Variants in CSMD1 observed in about 807,000 individuals in gnomAD.
CSMD1 encodes the protein CUB and Sushi multiple domains 1, also known as CUB and sushi domain-containing protein 1.
Under a neutral mutation model 417.5 loss-of-function variants are expected in CSMD1, and 213 were observed. The ratio of observed to expected loss-of-function variants is 0.51; its 90% CI spans 0.46 to 0.57. The LOEUF (loss-of-function observed/expected upper bound fraction) is 0.57. Among genes scored for constraint, CSMD1 ranks in the 20% least tolerant of loss-of-function variants. CSMD1 has a pLI of 0.00. For missense variants in CSMD1, 6,923 were observed against 4,529.7 expected, an observed-to-expected ratio of 1.53 and a Z score of -15.17; for synonymous variants, 2,862 against 1,736.8, an observed-to-expected ratio of 1.65 and a Z score of -16.11.
intron 54 of CSMD1, among the ~76,000 whole-genome samples, chr8:2,981,268 A>G (rs1805395203): frequency 6.6e-6 from 1 of 152,186 alleles, no homozygotes; most frequent in African/African-American, 2.4e-5. Flanking sequence ...TCCCATCTGT[A>G]TTTGTTTTGT....
intron 2 of CSMD1, among the ~76,000 whole-genome samples, chr8:4,453,849 T>A (rs562393842): frequency 1.8e-5 from 2 of 109,394 alleles, no homozygotes; most frequent in Non-Finnish European, 3.5e-5. Flanking sequence ...TGAGACAGAG[T>A]CTCACTCTGT....
At chr8:3,277,595 A>G (rs752931283) in intron 26 of CSMD1, among the ~76,000 whole-genome samples, 1 of 152,166 alleles carries the variant, frequency 6.6e-6, no homozygotes, top group Non-Finnish European at 1.5e-5. Context: ...GGCAGGATGG[A>G]GTTGACTTTA....
chr8:3,821,428 C>A (rs1315661660), intron 5 of CSMD1, among the ~76,000 whole-genome samples: 1 of 152,170 alleles, frequency 6.6e-6, no homozygotes, highest in Non-Finnish European at 1.5e-5. Flanking sequence ...ATGCATTCTG[C>A]TATGACGCAT....
intron 11 of CSMD1, among the ~76,000 whole-genome samples, chr8:3,486,157 T>C (rs1335238709): frequency 6.6e-6 from 1 of 152,236 alleles, no homozygotes; most frequent in Admixed American, 6.5e-5. Context: ...CATTTTCAAA[T>C]TTGATTCTGA....
chr8:3,804,507 T>C (rs1049112030), intron 5 of CSMD1, among the ~76,000 whole-genome samples: 4 of 152,234 alleles, frequency 2.6e-5, no homozygotes, highest in African/African-American at 9.6e-5. Context: ...TTAATTTTAA[T>C]AGCTATAAAA....
At chr8:3,384,691 T>C (rs1428964988) in intron 18 of CSMD1, among the ~76,000 whole-genome samples, 2 of 118,932 alleles carry the variant, frequency 1.7e-5, no homozygotes, top group African/African-American at 6.4e-5. Flanking sequence ...AAATATATAT[T>C]TATATAAATT....
intron 1 of CSMD1, among the ~76,000 whole-genome samples, chr8:4,796,571 T>C (rs1369729060): frequency 6.6e-6 from 1 of 150,686 alleles, no homozygotes; most frequent in Non-Finnish European, 1.5e-5. Flanking sequence ...TGTCTCCCAC[T>C]CACTGTGGGA....
In CSMD1 at chr8:3,926,053, T is replaced by TACACACACACACACACAAACACCATACAC. The variant is rs1563218050; in HGVS notation, c.818+71849_818+71850insGTGTATGGTGTTTGTGTGTGTGTGTGTGT. 5.5e-3 allele frequency among the ~76,000 whole-genome samples: 483 copies of TACACACACACACACACAAACACCATACAC among 87,812 alleles called. 45 individuals are homozygous for TACACACACACACACACAAACACCATACAC. In the East Asian group the frequency reaches 0.077, roughly 14 times the overall value. 57.6% of individuals were successfully genotyped at this position (87,812 alleles called of 152,430 possible). The stretch of plus-strand genomic sequence containing the variant: ...CACACACACACACACAAACACCATA[T>TACACACACACACACACAAACACCATACAC]ACACACACACACACACACACAAACA... On this transcript the variant is annotated intron_variant, in intron 5 of 69. Transcript: ENST00000635120.
chr8:3,224,734 G>C (rs1183781743), intron 27 of CSMD1, among the ~76,000 whole-genome samples: 2 of 152,192 alleles, frequency 1.3e-5, no homozygotes, highest in Non-Finnish European at 2.9e-5. Context: ...CAGTAATTAT[G>C]TAGCTCAATG....
intron 18 of CSMD1, among the ~76,000 whole-genome samples, chr8:3,380,174 C>T (rs562551894): frequency 2.0e-5 from 3 of 152,144 alleles, no homozygotes; most frequent in Admixed American, 6.6e-5. Context: ...AAATGCACAT[C>T]GAAACCACAG....
chr8:3,693,746 G>C (rs1421110742), intron 7 of CSMD1, among the ~76,000 whole-genome samples: 5 of 152,016 alleles, frequency 3.3e-5, no homozygotes, highest in Admixed American at 6.5e-5. Flanking sequence ...GTTATGGTGT[G>C]TGTGTTGTAT....
At chr8:4,878,762 G>A (rs1803206830) in intron 1 of CSMD1, among the ~76,000 whole-genome samples, 1 of 151,848 alleles carries the variant, frequency 6.6e-6, no homozygotes, top group Admixed American at 6.6e-5. Flanking sequence ...CAGTAAATTT[G>A]TGGGTTTTAA....
intron 1 of CSMD1, among the ~76,000 whole-genome samples, chr8:4,723,957 C>T (rs999970935): frequency 3.3e-5 from 5 of 152,020 alleles, no homozygotes; most frequent in Admixed American, 1.3e-4. Flanking sequence ...TAGATAAGTG[C>T]ATCCAATCTC....
chr8:3,749,505 T>G (rs1301439546), intron 6 of CSMD1, among the ~76,000 whole-genome samples: 2 of 152,116 alleles, frequency 1.3e-5, no homozygotes, highest in Admixed American at 6.5e-5. Flanking sequence ...GAATAAAGAA[T>G]TTGGAGATGA....
rs182435453 is a variant in CSMD1, at chr8:4,715,211, T to A, written c.86-77653A>T. On this transcript the variant is annotated intron_variant, in intron 1 of 69. Transcript: ENST00000635120. ...AAAGAAAACGAAGAAATATGAAGAATGTCTGAGTGTTTTTATGAATTTGAA... is the reference window on the plus strand; with the variant it reads ...AAAGAAAACGAAGAAATATGAAGAAAGTCTGAGTGTTTTTATGAATTTGAA... Among the ~76,000 whole-genome samples the A allele has an allele frequency of 2.7e-3, 404 of 152,342 alleles. 5 individuals carry two copies. Among genetic ancestry groups the A allele is most frequent in the African/African-American group, 9.4e-3 (392 of 41,594 alleles).
intron 4 of CSMD1, among the ~76,000 whole-genome samples, chr8:4,004,808 G>C (rs1047456732): frequency 3.3e-5 from 5 of 152,062 alleles, no homozygotes; most frequent in Admixed American, 6.6e-5. Flanking sequence ...GCAGTGGCGC[G>C]ATCTTGGCTC....
intron 3 of CSMD1, among the ~76,000 whole-genome samples, chr8:4,370,387 C>A (rs998408642): frequency 3.9e-5 from 6 of 152,196 alleles, no homozygotes; most frequent in African/African-American, 1.2e-4. Context: ...TTCTTTCTCA[C>A]AGACCTTGGA....
chr8:3,325,355 G>C (rs1403019118), intron 23 of CSMD1, among the ~76,000 whole-genome samples: 2 of 152,198 alleles, frequency 1.3e-5, no homozygotes, highest in African/African-American at 4.8e-5. Context: ...AGATTTTATA[G>C]CATTTGATGA....
intron 7 of CSMD1, among the ~76,000 whole-genome samples, chr8:3,683,233 A>C (rs891716110): frequency 6.6e-6 from 1 of 151,638 alleles, no homozygotes; most frequent in South Asian, 2.1e-4. Context: ...AAATAAAATA[A>C]TAAAAAATAA....
Sources: allele counts gnomAD v4.1 joint callset (sites outside exome capture counted in the v4.1 genomes callset), GRCh38; gene constraint gnomAD v4.1.1; transcripts MANE v1.5; gene names NCBI Gene and HGNC (gene_info 2026-07-23, HGNC 2026-07-21).